Variants in ZNF330 observed in about 807,000 individuals in gnomAD.
ZNF330 encodes zinc finger protein 330.
In ZNF330, 31 loss-of-function variants were observed where a neutral mutation model predicts 45.5. That is an observed-to-expected ratio of 0.68 (90% CI 0.51 to 0.92). ZNF330 has a LOEUF of 0.92. Among genes scored for constraint, ZNF330 ranks in the 40% least tolerant of loss-of-function variants. The pLI is 0.00. For synonymous variants in ZNF330, 138 were observed against 123.2 expected (o/e 1.12, Z -0.79); for missense variants, 356 against 387.4 (o/e 0.92, Z 0.68).
At chr4:141,227,986 ATGTTCAAATAAAATTT>A (rs575765989) in intron 5 of ZNF330, among the ~76,000 whole-genome samples, 6 of 152,130 alleles carry the variant, frequency 3.9e-5, no homozygotes, top group Non-Finnish European at 7.4e-5. Flanking sequence ...GTATGATTTT[ATGTTCAAATAAAATTT>A]TGTTCAAATT....
chr4:141,231,300 T>C (rs779605182), intron 7 of ZNF330, 139 bp from the exon 8 acceptor site: 4 of 542,736 alleles, frequency 7.4e-6, no homozygotes, highest in Non-Finnish European at 1.3e-5. Flanking sequence ...TTTGTGTGTT[T>C]TATAGCATTT....
chr4:141,224,222 A>G (rs1338724533), intron 2 of ZNF330, among the ~76,000 whole-genome samples: 1 of 152,162 alleles, frequency 6.6e-6, no homozygotes, highest in African/African-American at 2.4e-5. Context: ...ATTCCTTACA[A>G]ACAATTGAAA....
At chr4:141,223,808 A>G in intron 2 of ZNF330, 1 of 456,116 alleles carries the variant, frequency 2.2e-6, no homozygotes, top group Non-Finnish European at 4.4e-6. Flanking sequence ...TGGAAGGGGT[A>G]CACTTCACAG....
intron 6 of ZNF330, 47 bp downstream of exon 6, chr4:141,229,744 G>A (rs1219009220): frequency 6.2e-7 from 1 of 1,609,334 alleles, no homozygotes; most frequent in African/African-American, 1.3e-5. Flanking sequence ...GGTGAATGTT[G>A]ACTTTGAAAC....
chr4:141,223,916 G>A (rs1728743410), intron 2 of ZNF330: 1 of 388,042 alleles, frequency 2.6e-6, no homozygotes, highest in Non-Finnish European at 5.1e-6. Flanking sequence ...GAGAATATAA[G>A]ACATATTTGG....
chr4:141,233,776 T>C lies in ZNF330; in HGVS notation c.750T>C (p.Tyr250=), dbSNP rs1729014579. The C allele has an allele frequency of 6.2e-7, 1 of 1,613,524 alleles. No individual in the cohort carries two copies. Among genetic ancestry groups the C allele is most frequent in the Non-Finnish European group, 8.5e-7 (1 of 1,179,752 alleles). Residue 250 remains tyrosine (Y), a synonymous_variant, in exon 10 of 10, where the codon TAT becomes TAC. Coordinates refer to ENST00000262990, the MANE Select transcript of ZNF330 (RefSeq NM_014487.6). ...AAGAGGGAGATGGAGCTTCTGGGTA[T>C]GATGCTTATTGGAAGAACCTTTCAT... ...GGEEGDGASG[Y]DAYWKNLSSD... is the part of the protein sequence containing the mutation.
At chr4:141,225,872 G>T (rs1274130207) in intron 4 of ZNF330, among the ~76,000 whole-genome samples, 1 of 152,012 alleles carries the variant, frequency 6.6e-6, no homozygotes, top group African/African-American at 2.4e-5. Flanking sequence ...TTGTAGTGTT[G>T]TTAGATGGAT....
At chr4:141,221,936 G>A (rs1286008447) in intron 1 of ZNF330, among the ~76,000 whole-genome samples, 1 of 152,072 alleles carries the variant, frequency 6.6e-6, no homozygotes, top group Non-Finnish European at 1.5e-5. Context: ...TGTTGGCAGC[G>A]TCAGGTCATC....
Position 141,233,964 on chromosome 4 carries a change from C to T in ZNF330, c.938C>T (p.Ala313Val), listed in dbSNP as rs1244377870. The T allele has an allele frequency of 1.9e-6, 3 of 1,613,136 alleles. No individual in the cohort carries two copies. The highest frequency in any genetic ancestry group is 1.7e-5 in the Admixed American group (1 of 59,988). The change falls in exon 10 of 10, where the codon GCT becomes GTT. Residue 313 changes from alanine to valine, a missense_variant. Ala to Val is a moderately conservative substitution (Grantham distance 64). Transcript: ENST00000262990. ...GGAAGGACCTATGCTAGTGGCTATG[C>T]TCACTATGAGGAACAAGAGAACTAG... ...NLGRTYASGY[A>V]HYEEQEN
chr4:141,234,248 T>A lies in ZNF330; in HGVS notation c.*259T>A. On this transcript the variant is annotated 3_prime_UTR_variant, in exon 10 of 10. Transcript: ENST00000262990. ...TATCATGGATTGGATTGTTACTGAT[T>A]TCAGTAAAGTATGTTTTGCCAATTA... 4.6e-6 allele frequency: 2 copies of A among 439,352 alleles called. No homozygotes were observed. Among genetic ancestry groups the A allele is most frequent in the Non-Finnish European group, 7.1e-6 (2 of 280,902 alleles). 27.2% of individuals were successfully genotyped at this position (439,352 alleles called of 1,614,324 possible).
chr4:141,225,085 A>G (rs1728771873), intron 4 of ZNF330, among the ~76,000 whole-genome samples: 1 of 152,026 alleles, frequency 6.6e-6, no homozygotes, highest in African/African-American at 2.4e-5. Context: ...GAATAATTTT[A>G]TTCCACATTT....
rs78493196 is a variant in ZNF330, at chr4:141,226,869, G to C, written c.291+23G>C. The C allele has an allele frequency of 1.1e-3, 1,667 of 1,561,134 alleles. 5 individuals carry two copies. In the African/African-American group the frequency reaches 0.019, roughly 18 times the overall value. On this transcript the variant is annotated intron_variant, in intron 5 of 9. Transcript: ENST00000262990. ...GTGGTAAGCTTCTTATTATCTCTTA[G>C]ACTAGTACGTTTTCAAGGATAAGAA...
intron 5 of ZNF330, among the ~76,000 whole-genome samples, chr4:141,228,202 T>C (rs1342222193): frequency 6.6e-6 from 1 of 152,156 alleles, no homozygotes; most frequent in African/African-American, 2.4e-5. Flanking sequence ...TATAGGATTG[T>C]CAAGTTATCT....
intron 2 of ZNF330, among the ~76,000 whole-genome samples, chr4:141,224,172 TATCAAAAGG>T (rs1301079719): frequency 2.6e-5 from 4 of 152,214 alleles, no homozygotes. Flanking sequence ...TGTACTTAAC[TATCAAAAGG>T]ATAGTTCTTG....
chr4:141,221,308 T>C (rs894376706), intron 1 of ZNF330, among the ~76,000 whole-genome samples, 200 bp downstream of exon 1: 3 of 151,894 alleles, frequency 2.0e-5, no homozygotes, highest in Non-Finnish European at 4.4e-5. Context: ...GAAGTTGGAG[T>C]GTTACCGGAA....
At chr4:141,224,176 A>G (rs1459609090) in intron 2 of ZNF330, among the ~76,000 whole-genome samples, 1 of 152,198 alleles carries the variant, frequency 6.6e-6, no homozygotes, top group African/African-American at 2.4e-5. Context: ...CTTAACTATC[A>G]AAAGGATAGT....
intron 7 of ZNF330, among the ~76,000 whole-genome samples, chr4:141,230,805 A>G (rs865984507): frequency 1.3e-5 from 2 of 152,126 alleles, no homozygotes; most frequent in Admixed American, 6.5e-5. Context: ...ACCTATACAC[A>G]AAATTCTCAC....
At chr4:141,223,656 GT>G (rs1728736920) in intron 2 of ZNF330, 1 of 444,108 alleles carries the variant, frequency 2.3e-6, no homozygotes, top group African/African-American at 2.0e-5. Context: ...TGTCTTCTGT[GT>G]TTAAGAGTCC....
intron 1 of ZNF330, 26 bp downstream of exon 1, chr4:141,221,134 G>A (rs1297944696): frequency 2.6e-5 from 4 of 152,278 alleles, no homozygotes; most frequent in East Asian, 1.9e-4. Context: ...GGCGGGTGAC[G>A]GTTGCGGGTC....
Sources: allele counts gnomAD v4.1 joint callset (sites outside exome capture counted in the v4.1 genomes callset), GRCh38; gene constraint gnomAD v4.1.1; transcripts MANE v1.5; gene names NCBI Gene and HGNC (gene_info 2026-07-23, HGNC 2026-07-21).